Variants in ADCY9 observed in about 807,000 individuals in gnomAD.
ADCY9 encodes adenylate cyclase 9, also known as adenylate cyclase type 9.
ADCY9 carries 50 observed loss-of-function variants against 101.5 expected under a neutral mutation model. That is an observed-to-expected ratio of 0.49 (90% CI 0.39 to 0.62). The LOEUF is 0.62. Ranked by LOEUF, ADCY9 falls within the 20% of genes least tolerant of loss-of-function variation. The pLI is 0.00. For missense variants in ADCY9, 1,662 were observed against 1,800.4 expected, an observed-to-expected ratio of 0.92 and a Z score of 1.39; for synonymous variants, 905 against 769.3, an observed-to-expected ratio of 1.18 and a Z score of -2.92.
chr16:4,023,550 A>T (rs1289158366), intron 2 of ADCY9, among the ~76,000 whole-genome samples: 2 of 152,182 alleles, frequency 1.3e-5, no homozygotes, highest in African/African-American at 4.8e-5. Context: ...TTCCCGATGC[A>T]GACTGAGGGA....
chr16:4,106,700 GACGAGACTTACGGCCC>G lies in ADCY9; in HGVS notation c.1693+7034_1693+7049del, dbSNP rs550633409. Among the ~76,000 whole-genome samples, 124 of 152,368 alleles carry G rather than the reference GACGAGACTTACGGCCC, an allele frequency of 8.1e-4. 1 individual carries two copies. In the South Asian group the frequency reaches 8.5e-3, roughly 10 times the overall value. On this transcript the variant is annotated intron_variant, in intron 2 of 10. Coordinates refer to ENST00000294016, the MANE Select transcript of ADCY9 (RefSeq NM_001116.4). ...TACTAAAATCACCAACCAAGACAAA[GACGAGACTTACGGCCC>G]ACGCAGGCTTCTGCACACTCTGTGC...
At chr16:3,961,030 A>T (rs559514395), downstream of ADCY9, among the ~76,000 whole-genome samples, 17 of 152,334 alleles carry the variant, frequency 1.1e-4, no homozygotes, top group Non-Finnish European at 1.8e-4. Context: ...CCATGTGAAC[A>T]AGATTTCAGA....
At chr16:4,081,708 A>G (rs1229477905) in intron 2 of ADCY9, among the ~76,000 whole-genome samples, 11 of 122,002 alleles carry the variant, frequency 9.0e-5, no homozygotes, top group African/African-American at 3.2e-4. Context: ...GGAGGGGAGG[A>G]GGGCGCTGTG....
intron 2 of ADCY9, among the ~76,000 whole-genome samples, chr16:4,103,252 C>A (rs2057055398): frequency 6.6e-6 from 1 of 152,232 alleles, no homozygotes; most frequent in Non-Finnish European, 1.5e-5. Context: ...CATCTTGCAG[C>A]CCAGCTAGCG....
chr16:4,097,487 T>TATATATATATATATATACACAC (rs76750792), intron 2 of ADCY9, among the ~76,000 whole-genome samples: 2 of 72,512 alleles, frequency 2.8e-5, no homozygotes, highest in Non-Finnish European at 5.3e-5. Context: ...TATATATATA[T>TATATATATATATATATACACAC]ACACACACAC....
intron 2 of ADCY9, among the ~76,000 whole-genome samples, chr16:4,012,023 C>T (rs916864978): frequency 1.3e-5 from 2 of 152,198 alleles, no homozygotes; most frequent in Non-Finnish European, 2.9e-5. Flanking sequence ...TTTCATGCAC[C>T]TTCTACATAC....
At position 4,114,349 on chromosome 16, in the gene ADCY9, C is replaced by G; in HGVS notation, c.1094G>C (p.Ser365Thr). 6.2e-7 allele frequency: 1 copy of G among 1,613,990 alleles called. No individual in the cohort carries two copies. Among genetic ancestry groups the G allele is most frequent in the Non-Finnish European group, 8.5e-7 (1 of 1,180,032 alleles). Residue 365 changes from serine to threonine, a missense_variant, in exon 2 of 11, where the codon AGC (serine) becomes ACC (threonine). Ser to Thr is a moderately conservative substitution (Grantham distance 58, BLOSUM62 1). Around this residue, in one of 5 missense-constraint regions of ADCY9, gnomAD observed 228 missense variants for 301.1 expected, o/e 0.76. Coordinates refer to ENST00000294016, the MANE Select transcript of ADCY9 (RefSeq NM_001116.4). This position sits in a 1 kb window ranked among gnomAD's most constrained non-coding sequence, Gnocchi z 4.3. ...ENSVKRHATS[S>T]PKNRKKKSSI... is the part of the protein sequence containing the mutation. ...AGACTTTTTCTTCCTGTTCTTGGGG[C>G]TCGAGGTGGCATGCCTCTTGACAGA...
chr16:4,069,470 T>A (rs2056820381), intron 2 of ADCY9, among the ~76,000 whole-genome samples: 1 of 151,268 alleles, frequency 6.6e-6, no homozygotes, highest in Non-Finnish European at 1.5e-5. Context: ...TGGTGCCGAG[T>A]CTGACAGAGT....
At chr16:3,960,702 G>A (rs1274636665), downstream of ADCY9, among the ~76,000 whole-genome samples, 1 of 152,088 alleles carries the variant, frequency 6.6e-6, no homozygotes, top group Non-Finnish European at 1.5e-5. Flanking sequence ...ACTCTAACAG[G>A]CACGCGGATT....
At chr16:4,083,855 C>T (rs1342946444) in intron 2 of ADCY9, among the ~76,000 whole-genome samples, 35 of 152,022 alleles carry the variant, frequency 2.3e-4, no homozygotes, top group Admixed American at 2.3e-3. Flanking sequence ...GGGCTGGGAG[C>T]ACTGGGGGTG....
intron 2 of ADCY9, among the ~76,000 whole-genome samples, chr16:4,050,633 G>C (rs1567129250): frequency 7.3e-6 from 1 of 137,592 alleles, no homozygotes; most frequent in African/African-American, 2.7e-5. Flanking sequence ...AGAACTGCTT[G>C]AACCGGGAGG....
chr16:3,988,710 G>A (rs1481373946), intron 6 of ADCY9, among the ~76,000 whole-genome samples: 1 of 149,990 alleles, frequency 6.7e-6, no homozygotes, highest in Non-Finnish European at 1.5e-5. Context: ...GTGGTGGGGG[G>A]GCCCCTTCCA....
intron 2 of ADCY9, among the ~76,000 whole-genome samples, chr16:4,075,286 G>A (rs1248538294): frequency 6.6e-6 from 1 of 152,218 alleles, no homozygotes; most frequent in Non-Finnish European, 1.5e-5. Flanking sequence ...TTACAGGCAT[G>A]TGCCACCACG....
chr16:4,016,141 C>T (rs1173058854), intron 2 of ADCY9, among the ~76,000 whole-genome samples: 1 of 152,150 alleles, frequency 6.6e-6, no homozygotes, highest in Admixed American at 6.5e-5. Flanking sequence ...CAGTGAGTGA[C>T]GATCTGGACC....
At chr16:4,033,091 T>C (rs2056567004) in intron 2 of ADCY9, among the ~76,000 whole-genome samples, 1 of 152,240 alleles carries the variant, frequency 6.6e-6, no homozygotes, top group South Asian at 2.1e-4. Flanking sequence ...CAGACTGATG[T>C]CCTGGAGGTG....
rs559729704 is a variant in ADCY9, at chr16:4,041,231, GGT to G, written c.1694-33675_1694-33674del. On this transcript the variant is annotated intron_variant, in intron 2 of 10. Transcript: ENST00000294016. ...AAAGAGCTAGACTTGGGCTGGGCAT[GGT>G]GGCTCACGCCTGTAATCCCAGCACT... Among the ~76,000 whole-genome samples the G allele has an allele frequency of 1.6e-4, 24 of 152,242 alleles. No individual in the cohort carries two copies. The South Asian group carries it at 3.9e-3, about 25-fold the overall frequency.
chr16:3,963,137 TATATATG>T lies in ADCY9; in HGVS notation c.*2631_*2637del. ...ATATATATATATATATATATATATATATATATGGATATATAATTCGATCTGAGCTGGG... is the reference window on the plus strand; with the variant it reads ...ATATATATATATATATATATATATATGATATATAATTCGATCTGAGCTGGG... On this transcript the variant is annotated 3_prime_UTR_variant, in exon 11 of 11. Coordinates refer to ENST00000294016, the MANE Select transcript of ADCY9 (RefSeq NM_001116.4). 6.1e-6 allele frequency: 1 copy of T among 163,956 alleles called. No homozygotes were observed. Among genetic ancestry groups the T allele is most frequent in the Non-Finnish European group, 1.2e-5 (1 of 84,942 alleles). 10.2% of individuals were successfully genotyped at this position (163,956 alleles called of 1,614,324 possible). A position where few individuals can be genotyped will look rare whatever the true frequency, so the allele number is the denominator to read the frequency against.
intron 3 of ADCY9, among the ~76,000 whole-genome samples, chr16:4,004,251 TAAAAAAA>T (rs71133681): frequency 9.3e-6 from 1 of 107,722 alleles, no homozygotes; most frequent in Admixed American, 1.1e-4. Flanking sequence ...CCCATCTCTT[TAAAAAAA>T]AAAAAAAAAA....
intron 2 of ADCY9, among the ~76,000 whole-genome samples, chr16:4,074,400 A>G (rs531503123): frequency 3.3e-5 from 5 of 152,136 alleles, no homozygotes; most frequent in African/African-American, 1.2e-4. Context: ...AAATAGAATC[A>G]TGACAAAAAT....
Sources: gnomAD v4.1 joint callset for allele counts (sites outside exome capture counted in the v4.1 genomes callset) on GRCh38, gnomAD v4.1.1 for gene constraint, gnomAD v4.1.1 regional missense constraint, Gnocchi (gnomAD v3.1) non-coding constraint, MANE v1.5 for transcripts, NCBI Gene and HGNC (gene_info 2026-07-23, HGNC 2026-07-21) for gene names.